FARP1: variants seen among roughly 807,000 people sequenced by gnomAD.
FARP1 encodes FERM, ARH/RhoGEF and pleckstrin domain protein 1.
A neutral mutation model predicts 128.8 loss-of-function variants in FARP1; 52 were observed. The observed-to-expected ratio is 0.40, with a 90% CI of 0.32 to 0.51. FARP1 has a LOEUF of 0.51. Ranked by LOEUF, FARP1 falls within the 20% of genes least tolerant of loss-of-function variation. The pLI, the probability that FARP1 is intolerant of heterozygous loss-of-function variation, is 0.45. For synonymous variants in FARP1, 580 were observed against 551.8 expected, an observed-to-expected ratio of 1.05 and a Z score of -0.72; for missense variants, 1,333 against 1,367.9, an observed-to-expected ratio of 0.97 and a Z score of 0.40.
At chr13:98,297,690 A>T (rs1159630435) in intron 2 of FARP1, among the ~76,000 whole-genome samples, 3 of 152,162 alleles carry the variant, frequency 2.0e-5, no homozygotes, top group African/African-American at 7.2e-5. Flanking sequence ...CTGACATGTA[A>T]GCAAAATTTG....
At chr13:98,315,506 G>A (rs1886682064) in intron 2 of FARP1, among the ~76,000 whole-genome samples, 1 of 152,216 alleles carries the variant, frequency 6.6e-6, no homozygotes, top group South Asian at 2.1e-4. Context: ...CAAGTTACTT[G>A]TGCCCGTTTG....
intron 3 of FARP1, among the ~76,000 whole-genome samples, chr13:98,348,172 G>C (rs866530765): frequency 1.3e-5 from 2 of 152,308 alleles, no homozygotes; most frequent in Middle Eastern, 6.8e-3. Context: ...TTGTCCCAAG[G>C]CTTGTCAATT....
chr13:98,305,174 G>A (rs1169007561), intron 2 of FARP1, among the ~76,000 whole-genome samples: 1 of 150,582 alleles, frequency 6.6e-6, no homozygotes, highest in Admixed American at 6.6e-5. Context: ...TTTCCTTGGG[G>A]AAAATCCTTT....
At chr13:98,380,364 C>T (rs978978288) in intron 6 of FARP1, among the ~76,000 whole-genome samples, 27 of 150,846 alleles carry the variant, frequency 1.8e-4, no homozygotes, top group African/African-American at 6.3e-4. Flanking sequence ...CCAGGAGAAT[C>T]ACTTGAAACT....
At position 98,409,443 on chromosome 13, in the gene FARP1, A is replaced by G. The variant is rs541650161; in HGVS notation, c.1520A>G (p.Lys507Arg). 4.3e-6 allele frequency: 7 copies of G among 1,614,132 alleles called. No homozygotes were observed. In the African/African-American group the frequency reaches 6.7e-5, roughly 15 times the overall value. The part of the protein sequence containing the change: ...TLSPNLSPDT[K>R]QASPLISPLL... ...TCTCCCAACCTGAGCCCCGACACCA[A>G]GCAGGCCTCTCCCTTGATCAGCCCG... The change falls in exon 14 of 27, where the codon AAG (lysine) becomes AGG (arginine). Residue 507 changes from lysine (K) to arginine (R), a missense_variant. Lys to Arg is a conservative substitution (Grantham distance 26). Transcript: ENST00000319562.
At chr13:98,165,943 C>G (rs1877238286) in intron 1 of FARP1, among the ~76,000 whole-genome samples, 1 of 151,890 alleles carries the variant, frequency 6.6e-6, no homozygotes, top group Non-Finnish European at 1.5e-5. Context: ...TCGTCTCGAC[C>G]TCCTGATCTC....
At chr13:98,334,566 G>A (rs1284421038) in intron 2 of FARP1, among the ~76,000 whole-genome samples, 1 of 152,130 alleles carries the variant, frequency 6.6e-6, no homozygotes, top group Non-Finnish European at 1.5e-5. Context: ...GATAATAATA[G>A]CATAAAATAG....
At chr13:98,370,137 G>C (rs1273216545) in intron 5 of FARP1, among the ~76,000 whole-genome samples, 1 of 152,246 alleles carries the variant, frequency 6.6e-6, no homozygotes, top group Non-Finnish European at 1.5e-5. Flanking sequence ...CTTCAGGCTG[G>C]TGGGTCTGGG....
chr13:98,446,880 G>A (rs1385627675), intron 26 of FARP1, 63 bp downstream of exon 26: 24 of 1,571,848 alleles, frequency 1.5e-5, no homozygotes, highest in East Asian at 2.2e-5. Flanking sequence ...CAAACATCAG[G>A]ATTTCTCCCA....
At position 98,449,443 on chromosome 13, in the gene FARP1, G is replaced by C. The variant is rs1289144717; in HGVS notation, c.*1126G>C. 6.6e-6 allele frequency: 1 copy of C among 152,196 alleles called. No individual in the cohort carries two copies. Among genetic ancestry groups the C allele is most frequent in the African/African-American group, 2.4e-5 (1 of 41,428 alleles). The allele number at this position is 152,196 out of a possible 1,614,324, so 9.4% of individuals were successfully genotyped here. A position where few individuals can be genotyped will look rare whatever the true frequency, so the allele number is the denominator to read the frequency against. ...GGGAAACGTCTGCCTGTTCTCGATGGTGATGGGGTGGCTGCCATTCCCTTG... is the reference window on the plus strand; with the variant it reads ...GGGAAACGTCTGCCTGTTCTCGATGCTGATGGGGTGGCTGCCATTCCCTTG... On this transcript the variant is annotated 3_prime_UTR_variant, in exon 27 of 27. Transcript: ENST00000319562.
chr13:98,445,959 C>A, intron 24 of FARP1, 139 bp from the exon 25 acceptor site: 1 of 604,610 alleles, frequency 1.7e-6, no homozygotes, highest in East Asian at 2.8e-5. Flanking sequence ...TCCCCACACA[C>A]GGGGGAGCGG....
At chr13:98,185,372 G>A (rs1188356923) in intron 1 of FARP1, among the ~76,000 whole-genome samples, 1 of 152,112 alleles carries the variant, frequency 6.6e-6, no homozygotes, top group Middle Eastern at 3.2e-3. Context: ...GCAGGCGTTG[G>A]GATTGGTAAG....
In FARP1 at chr13:98,451,017, A is replaced by G. The variant is rs948051331; in HGVS notation, c.*2700A>G. 1 of 152,122 alleles carries G rather than the reference A, an allele frequency of 6.6e-6. No individual in the cohort carries two copies. Among genetic ancestry groups the G allele is most frequent in the African/African-American group, 2.4e-5 (1 of 41,394 alleles). 9.4% of individuals were successfully genotyped at this position (152,122 alleles called of 1,614,324 possible). A position where few individuals can be genotyped will look rare whatever the true frequency, so the allele number is the denominator to read the frequency against. On this transcript the variant is annotated 3_prime_UTR_variant, in exon 27 of 27. Coordinates refer to ENST00000319562, the MANE Select transcript of FARP1 (RefSeq NM_005766.4). The stretch of plus-strand genomic sequence containing the variant: ...TCTACGGGGGAAGGGGCTGAGTATG[A>G]TTTGTCTGGCGACTGCAGAGACTCC...
At chr13:98,150,522 T>A (rs1875920293) in intron 1 of FARP1, among the ~76,000 whole-genome samples, 1 of 152,244 alleles carries the variant, frequency 6.6e-6, no homozygotes, top group African/African-American at 2.4e-5. Context: ...TTTTGCCTTT[T>A]CATTTTTTAA....
chr13:98,275,803 G>A (rs766216773), intron 2 of FARP1, among the ~76,000 whole-genome samples: 6 of 152,062 alleles, frequency 3.9e-5, no homozygotes, highest in Non-Finnish European at 8.8e-5. Context: ...TGACCTCCTG[G>A]TCACTTTCTG....
intron 2 of FARP1, among the ~76,000 whole-genome samples, chr13:98,315,644 C>A (rs185661796): frequency 1.2e-4 from 19 of 152,116 alleles, no homozygotes; most frequent in Admixed American, 1.2e-3. Context: ...TGGGTGGAGA[C>A]GGCCGTGCTT....
chr13:98,246,285 C>G (rs565687615), intron 2 of FARP1, among the ~76,000 whole-genome samples: 1 of 145,084 alleles, frequency 6.9e-6, no homozygotes, highest in Non-Finnish European at 1.5e-5. Flanking sequence ...TTAGTAGAGA[C>G]GGGGTTTCAC....
Position 98,453,665 on chromosome 13 carries a change from C to G in FARP1, c.*5348C>G, listed in dbSNP as rs1486958524. 1 of 154,550 alleles carries G rather than the reference C, an allele frequency of 6.5e-6. No individual in the cohort carries two copies. The highest frequency in any genetic ancestry group is 1.4e-5 in the Non-Finnish European group (1 of 69,838). 9.6% of individuals were successfully genotyped at this position (154,550 alleles called of 1,614,324 possible). The stretch of plus-strand genomic sequence containing the variant: ...ACTGCTTCCGAAATATGGTCCAAAG[C>G]AGGAACAACGTGTCTGCACAAAGAT... On this transcript the variant is annotated 3_prime_UTR_variant, in exon 27 of 27. Transcript: ENST00000319562.
intron 3 of FARP1, among the ~76,000 whole-genome samples, chr13:98,359,197 T>C (rs970588009): frequency 6.6e-6 from 1 of 152,158 alleles, no homozygotes; most frequent in Non-Finnish European, 1.5e-5. Flanking sequence ...ATTGAGCAGC[T>C]TGAATAAGCC....
Sources: allele counts gnomAD v4.1 joint callset (sites outside exome capture counted in the v4.1 genomes callset), GRCh38; gene constraint gnomAD v4.1.1; transcripts MANE v1.5; gene names NCBI Gene and HGNC (gene_info 2026-07-23, HGNC 2026-07-21).